The following MTMR2 variants were observed in gnomAD, a reference collection of about 807,000 sequenced individuals.
MTMR2 encodes phosphatidylinositol-3,5-bisphosphate 3-phosphatase MTMR2.
A neutral mutation model predicts 86.9 loss-of-function variants in MTMR2; 55 were observed. The ratio of observed to expected loss-of-function variants is 0.63; its 90% CI spans 0.51 to 0.79. The LOEUF is 0.79. Ranked by LOEUF, MTMR2 falls within the 30% of genes least tolerant of loss-of-function variation. The probability of loss-of-function intolerance (pLI) is 0.00; values close to 1 mark genes in which losing one functional copy is unlikely to be tolerated. For missense variants in MTMR2, 659 were observed against 772.3 expected, an observed-to-expected ratio of 0.85 and a Z score of 1.74; for synonymous variants, 241 against 266.8, an observed-to-expected ratio of 0.90 and a Z score of 0.94.
intron 1 of MTMR2, among the ~76,000 whole-genome samples, chr11:95,911,310 T>C (rs1456535800): frequency 1.3e-5 from 2 of 152,186 alleles, no homozygotes. Flanking sequence ...AGGCATATGA[T>C]TTCATAATGC....
At position 95,835,214 on chromosome 11, in the gene MTMR2, C is replaced by G; in HGVS notation, c.*76G>C. On this transcript the variant is annotated 3_prime_UTR_variant, in exon 15 of 15. Coordinates refer to ENST00000346299, the MANE Select transcript of MTMR2 (RefSeq NM_016156.6). Reference sequence around the variant, plus strand: ...TTCTCTCATAGATGGGTTCTAAATTCCGAAGACTTTCTACTCATAGAGCTG... The same window carrying G: ...TTCTCTCATAGATGGGTTCTAAATTGCGAAGACTTTCTACTCATAGAGCTG... 1.4e-6 allele frequency: 2 copies of G among 1,471,154 alleles called. No individual in the cohort carries two copies. The highest frequency in any genetic ancestry group is 2.3e-5 in the South Asian group (2 of 86,400). The allele number at this position is 1,471,154 out of a possible 1,614,324, so 91.1% of individuals were successfully genotyped here. A position where few individuals can be genotyped will look rare whatever the true frequency, so the allele number is the denominator to read the frequency against.
chr11:95,865,563 A>G (rs1352955537), intron 3 of MTMR2, 38 bp downstream of exon 3: 2 of 1,557,318 alleles, frequency 1.3e-6, no homozygotes, highest in Non-Finnish European at 1.8e-6. Context: ...GCACAGTAGA[A>G]CGGAGAAGGA....
chr11:95,921,941 A>G (rs1041822689), intron 1 of MTMR2, among the ~76,000 whole-genome samples: 4 of 152,228 alleles, frequency 2.6e-5, no homozygotes, highest in South Asian at 2.1e-4. Context: ...GGAAATAAAT[A>G]TGTTCAAGTG....
At position 95,911,642 on chromosome 11, in the gene MTMR2, G is replaced by A. The variant is rs181606627; in HGVS notation, c.80+12233C>T. 4.7e-3 allele frequency among the ~76,000 whole-genome samples: 708 copies of A among 152,202 alleles called. 4 individuals are homozygous for A. Among genetic ancestry groups the A allele is most frequent in the South Asian group, 0.016 (78 of 4,818 alleles). ...CACAGATTCATAAGTAGCCAAGAGG[G>A]AAAAAGTTATTTAAATATCACTTAA... is the stretch of plus-strand genomic sequence containing the variant. On this transcript the variant is annotated intron_variant, in intron 1 of 14. Coordinates refer to ENST00000346299, the MANE Select transcript of MTMR2 (RefSeq NM_016156.6).
At chr11:95,887,520 A>G (rs1254629621) in intron 2 of MTMR2, 1 of 151,120 alleles carries the variant, frequency 6.6e-6, no homozygotes, top group East Asian at 1.9e-4. Flanking sequence ...AGAAAAGTAG[A>G]TAAATCCAGA....
At chr11:95,837,993 C>T (rs551979088) in intron 13 of MTMR2, 101 bp downstream of exon 13, 8 of 775,032 alleles carry the variant, frequency 1.0e-5, no homozygotes, top group Non-Finnish European at 1.6e-5. Context: ...AAAGTATGAC[C>T]CAAAAGAATG....
chr11:95,869,516 G>T (rs1325638494), intron 2 of MTMR2, among the ~76,000 whole-genome samples: 1 of 152,066 alleles, frequency 6.6e-6, no homozygotes, highest in Admixed American at 6.6e-5. Context: ...GTCATATAGG[G>T]AACCATAAAT....
chr11:95,919,146 G>A (rs561866473), intron 1 of MTMR2, among the ~76,000 whole-genome samples: 53 of 152,218 alleles, frequency 3.5e-4, no homozygotes, highest in South Asian at 2.9e-3. Flanking sequence ...CCTCCAACAC[G>A]TCACTCTTAA....
At chr11:95,867,238 T>C (rs1444854791) in intron 2 of MTMR2, among the ~76,000 whole-genome samples, 1 of 152,212 alleles carries the variant, frequency 6.6e-6, no homozygotes, top group Non-Finnish European at 1.5e-5. Context: ...ATGTCACTTA[T>C]AACGCTGGGC....
At chr11:95,910,915 A>T (rs1866482260) in intron 1 of MTMR2, among the ~76,000 whole-genome samples, 1 of 152,162 alleles carries the variant, frequency 6.6e-6, no homozygotes, top group Non-Finnish European at 1.5e-5. Flanking sequence ...CAGTGTGTAT[A>T]AAACATTTGA....
intron 2 of MTMR2, among the ~76,000 whole-genome samples, chr11:95,878,034 T>C (rs1199206489): frequency 6.6e-6 from 1 of 151,456 alleles, no homozygotes; most frequent in African/African-American, 2.4e-5. Flanking sequence ...TATGAAAACT[T>C]AGAAGCAATC....
chr11:95,923,475 G>A (rs1278980719), intron 1 of MTMR2, among the ~76,000 whole-genome samples: 1 of 152,040 alleles, frequency 6.6e-6, no homozygotes, highest in African/African-American at 2.4e-5. Flanking sequence ...AGGGGTGGAG[G>A]AGGAAAGACT....
intron 7 of MTMR2, among the ~76,000 whole-genome samples, chr11:95,854,831 C>T (rs1287079571): frequency 6.6e-6 from 1 of 150,502 alleles, no homozygotes; most frequent in Non-Finnish European, 1.5e-5. Flanking sequence ...TTTTTTGAGA[C>T]AGGGTCTCAC....
In MTMR2 at chr11:95,857,541, A is replaced by G. The variant is rs2135462188; in HGVS notation, c.654+11T>C. On this transcript the variant is annotated intron_variant, in intron 7 of 14. Transcript: ENST00000346299. ...CAAAATACTAAAATTGAAAGAGAAGAAAGTACATACCTGCCTTCTATACTC... is the reference window on the plus strand; with the variant it reads ...CAAAATACTAAAATTGAAAGAGAAGGAAGTACATACCTGCCTTCTATACTC... 3 of 1,565,474 alleles carry G rather than the reference A, an allele frequency of 1.9e-6. No individual in the cohort carries two copies. Among genetic ancestry groups the G allele is most frequent in the East Asian group, 4.5e-5 (2 of 44,622 alleles).
chr11:95,844,355 G>A (rs1863680090), intron 11 of MTMR2, among the ~76,000 whole-genome samples: 1 of 152,154 alleles, frequency 6.6e-6, no homozygotes, highest in African/African-American at 2.4e-5. Flanking sequence ...TCATGTTACA[G>A]TTAACCCTTG....
At chr11:95,870,650 ATGAAG>A (rs1298030977) in intron 2 of MTMR2, among the ~76,000 whole-genome samples, 3 of 151,982 alleles carry the variant, frequency 2.0e-5, no homozygotes, top group African/African-American at 7.2e-5. Flanking sequence ...CAATGAATAA[ATGAAG>A]TGAGGTCAAA....
Position 95,924,085 on chromosome 11 carries a change from G to T in MTMR2, c.-131C>A. On this transcript the variant is annotated 5_prime_UTR_variant, in exon 1 of 15. Coordinates refer to ENST00000346299, the MANE Select transcript of MTMR2 (RefSeq NM_016156.6). ...CGCCGGCCCGGGAGGGAGACCGGAA[G>T]CGGCCATGTTCCCCCAGAGTGCACC... 8.2e-7 allele frequency: 1 copy of T among 1,222,494 alleles called. No individual in the cohort carries two copies. The highest frequency in any genetic ancestry group is 1.2e-6 in the Non-Finnish European group (1 of 854,442). The allele number at this position is 1,222,494 out of a possible 1,614,324, so 75.7% of individuals were successfully genotyped here.
At chr11:95,873,107 G>T (rs1864959801) in intron 2 of MTMR2, among the ~76,000 whole-genome samples, 1 of 152,170 alleles carries the variant, frequency 6.6e-6, no homozygotes, top group Non-Finnish European at 1.5e-5. Flanking sequence ...CCAGGTTTTG[G>T]TATCAGGATG....
At position 95,834,948 on chromosome 11, in the gene MTMR2, T is replaced by TATTTCTAAAATGGTTTTAATATTACC. The variant is rs1319788841; in HGVS notation, c.*316_*341dup. 3.0e-6 allele frequency: 1 copy of TATTTCTAAAATGGTTTTAATATTACC among 334,352 alleles called. No homozygotes were observed. Among genetic ancestry groups the TATTTCTAAAATGGTTTTAATATTACC allele is most frequent in the Non-Finnish European group, 5.8e-6 (1 of 172,384 alleles). The allele number at this position is 334,352 out of a possible 1,614,324, so 20.7% of individuals were successfully genotyped here. On this transcript the variant is annotated 3_prime_UTR_variant, in exon 15 of 15. Coordinates refer to ENST00000346299, the MANE Select transcript of MTMR2 (RefSeq NM_016156.6). ...TCCTCTGCACAGTGAGCACAGAGTG[T>TATTTCTAAAATGGTTTTAATATTACC]ATTTCTAAAATGGTTTTAATATTAC... is the stretch of plus-strand genomic sequence containing the variant.
Sources: allele counts gnomAD v4.1 joint callset (sites outside exome capture counted in the v4.1 genomes callset), GRCh38; gene constraint gnomAD v4.1.1; transcripts MANE v1.5; gene names NCBI Gene and HGNC (gene_info 2026-07-23, HGNC 2026-07-21).